Variants in FSTL5 observed in about 807,000 individuals in gnomAD.
FSTL5 encodes follistatin-related protein 5.
A neutral mutation model predicts 89.1 loss-of-function variants in FSTL5; 62 were observed. The ratio of observed to expected loss-of-function variants is 0.70; its 90% CI spans 0.57 to 0.86. The LOEUF is 0.86. FSTL5 is among the 40% of genes least tolerant of loss of function. FSTL5 has a pLI of 0.00. For missense variants in FSTL5, 1,057 were observed against 1,001.6 expected, an observed-to-expected ratio of 1.06 and a Z score of -0.75; for synonymous variants, 383 against 346.2, an observed-to-expected ratio of 1.11 and a Z score of -1.18.
intron 11 of FSTL5, among the ~76,000 whole-genome samples, chr4:161,504,162 G>A (rs906677940): frequency 3.3e-5 from 5 of 151,740 alleles, no homozygotes; most frequent in African/African-American, 9.7e-5. Flanking sequence ...TCCATGTAAT[G>A]GGTTTATTAG....
intron 7 of FSTL5, among the ~76,000 whole-genome samples, chr4:161,622,319 C>A (rs1398000494): frequency 6.6e-6 from 1 of 151,958 alleles, no homozygotes; most frequent in Non-Finnish European, 1.5e-5. Context: ...TTAATTCATA[C>A]CAATGTTACA....
intron 15 of FSTL5, among the ~76,000 whole-genome samples, chr4:161,400,846 T>G (rs1460660956): frequency 6.6e-6 from 1 of 152,114 alleles, no homozygotes; most frequent in East Asian, 1.9e-4. Flanking sequence ...ATTTCTCCTC[T>G]TAGGACATTA....
chr4:162,023,238 T>C, intron 3 of FSTL5, among the ~76,000 whole-genome samples: 1 of 152,134 alleles, frequency 6.6e-6, no homozygotes, highest in East Asian at 1.9e-4. Context: ...GAAGAAACGA[T>C]TTTTTAATTT....
At chr4:161,516,960 C>T (rs1730864754) in intron 10 of FSTL5, among the ~76,000 whole-genome samples, 1 of 152,068 alleles carries the variant, frequency 6.6e-6, no homozygotes, top group African/African-American at 2.4e-5. Context: ...GTGGTGTGAT[C>T]TCTGCTCAAC....
intron 7 of FSTL5, among the ~76,000 whole-genome samples, chr4:161,653,647 T>C (rs1044651734): frequency 6.6e-6 from 1 of 152,152 alleles, no homozygotes; most frequent in Non-Finnish European, 1.5e-5. Flanking sequence ...ATTTACACAG[T>C]AAAGTCCTTA....
intron 7 of FSTL5, among the ~76,000 whole-genome samples, chr4:161,605,483 T>C (rs1442387250): frequency 1.3e-5 from 2 of 152,200 alleles, no homozygotes; most frequent in Non-Finnish European, 2.9e-5. Flanking sequence ...GCTTTCAAAA[T>C]ACTTTTTTTT....
intron 4 of FSTL5, among the ~76,000 whole-genome samples, chr4:161,878,505 A>C (rs951176138): frequency 6.6e-6 from 1 of 152,142 alleles, no homozygotes; most frequent in African/African-American, 2.4e-5. Context: ...TTTGATAAAC[A>C]GATAATAAGC....
chr4:161,432,208 T>A (rs188629051), intron 15 of FSTL5, among the ~76,000 whole-genome samples: 11 of 152,130 alleles, frequency 7.2e-5, no homozygotes, highest in African/African-American at 2.6e-4. Flanking sequence ...ATATGTTAAG[T>A]CACAAATGAG....
At chr4:161,670,613 TAAC>T (rs1244654938) in intron 6 of FSTL5, among the ~76,000 whole-genome samples, 2 of 152,186 alleles carry the variant, frequency 1.3e-5, no homozygotes, top group Non-Finnish European at 2.9e-5. Flanking sequence ...ATTTGCCTAA[TAAC>T]AAACTGCTAC....
At chr4:161,968,626 G>T (rs920351670) in intron 3 of FSTL5, among the ~76,000 whole-genome samples, 7 of 152,124 alleles carry the variant, frequency 4.6e-5, no homozygotes, top group African/African-American at 1.7e-4. Flanking sequence ...TCCCAGAGAT[G>T]TTCTAAAACA....
rs1211757335 is a variant in FSTL5 at position 161,437,573 on chromosome 4, A to AAAAAAAAAACAAACAAACAAACAAAC, written c.1841+17430_1841+17431insGTTTGTTTGTTTGTTTGTTTTTTTTT. Among the ~76,000 whole-genome samples, 10 of 149,104 alleles carry AAAAAAAAAACAAACAAACAAACAAAC rather than the reference A, an allele frequency of 6.7e-5. 2 individuals carry two copies. In the East Asian group the frequency reaches 1.7e-3, roughly 25 times the overall value. On this transcript the variant is annotated intron_variant, in intron 15 of 15. Coordinates refer to ENST00000306100, the MANE Select transcript of FSTL5 (RefSeq NM_020116.5). ...AGAGTGAGACTCCGTCTCAAAAAAA[A>AAAAAAAAAACAAACAAACAAACAAAC]AAAAAAAAACGAGGTCAGAAAAGGT...
At chr4:161,885,814 G>C (rs1324290054) in intron 4 of FSTL5, among the ~76,000 whole-genome samples, 1 of 152,052 alleles carries the variant, frequency 6.6e-6, no homozygotes, top group Non-Finnish European at 1.5e-5. Context: ...TGTGGTTTGG[G>C]AGATAGTATT....
At chr4:161,602,167 C>T (rs1343891552) in intron 7 of FSTL5, among the ~76,000 whole-genome samples, 2 of 149,032 alleles carry the variant, frequency 1.3e-5, no homozygotes, top group South Asian at 2.1e-4. Context: ...AAATAAGACA[C>T]ACACAGAAAA....
At chr4:162,143,481 A>T (rs1272462409) in intron 1 of FSTL5, among the ~76,000 whole-genome samples, 1 of 152,170 alleles carries the variant, frequency 6.6e-6, no homozygotes, top group Admixed American at 6.5e-5. Context: ...ACAGGTGAAC[A>T]CCATTGTTAA....
At chr4:161,802,639 T>G (rs1263700521) in intron 4 of FSTL5, among the ~76,000 whole-genome samples, 1 of 151,748 alleles carries the variant, frequency 6.6e-6, no homozygotes, top group Non-Finnish European at 1.5e-5. Flanking sequence ...ATTTAATGGT[T>G]GGCAGGTGTT....
At position 161,920,662 on chromosome 4, in the gene FSTL5, TA is replaced by T. The variant is rs5863499; in HGVS notation, c.161-11del. 27 of 1,454,874 alleles carry T rather than the reference TA, an allele frequency of 1.9e-5. No individual in the cohort carries two copies. The highest frequency in any genetic ancestry group is 1.5e-4 in the South Asian group (12 of 81,842). 90.1% of individuals were successfully genotyped at this position (1,454,874 alleles called of 1,614,324 possible). A position where few individuals can be genotyped will look rare whatever the true frequency, so the allele number is the denominator to read the frequency against. The stretch of plus-strand genomic sequence containing the variant: ...TCCTGAATCATAAATCCTGAAGAAT[TA>T]AAAAAAAATTGAAAATCGTTTGGTT... On this transcript the variant is annotated splice_polypyrimidine_tract_variant and intron_variant, in intron 3 of 15. Transcript: ENST00000306100.
chr4:161,586,741 A>G (rs1733630936), intron 8 of FSTL5, among the ~76,000 whole-genome samples: 1 of 152,176 alleles, frequency 6.6e-6, no homozygotes, highest in South Asian at 2.1e-4. Context: ...GATCTGCCCC[A>G]AGGCTACCTC....
intron 3 of FSTL5, among the ~76,000 whole-genome samples, chr4:161,997,426 C>T (rs953087140): frequency 3.9e-5 from 6 of 152,214 alleles, no homozygotes; most frequent in East Asian, 1.9e-4. Context: ...TTACACATAA[C>T]GGTTGACTAT....
chr4:161,415,820 G>GGA (rs1449799044), intron 15 of FSTL5, among the ~76,000 whole-genome samples: 6 of 25,134 alleles, frequency 2.4e-4, no homozygotes, highest in African/African-American at 6.8e-4. Context: ...TACATATAGG[G>GGA]GATATATATA....
Sources: allele counts gnomAD v4.1 joint callset (sites outside exome capture counted in the v4.1 genomes callset), GRCh38; gene constraint gnomAD v4.1.1; transcripts MANE v1.5; gene names NCBI Gene and HGNC (gene_info 2026-07-23, HGNC 2026-07-21).